PARD3B: variants seen among roughly 807,000 people sequenced by gnomAD.
PARD3B encodes par-3 family cell polarity regulator beta.
A neutral mutation model predicts 130.2 loss-of-function variants in PARD3B; 103 were observed. The observed-to-expected ratio is 0.79, with a 90% CI of 0.67 to 0.93. The LOEUF is 0.93. Among genes scored for constraint, PARD3B ranks in the 40% least tolerant of loss-of-function variants. The pLI is 0.00. For missense variants in PARD3B, 1,609 were observed against 1,499.2 expected (o/e 1.07, Z -1.21); for synonymous variants, 583 against 553.2 (o/e 1.05, Z -0.76).
rs2053423246 is a variant in PARD3B, at chr2:205,568,032, C to T, written c.3260+14629C>T. Among the ~76,000 whole-genome samples the T allele has an allele frequency of 6.6e-6, 1 of 152,196 alleles. No individual in the cohort carries two copies. The highest frequency in any genetic ancestry group is 6.5e-5 in the Admixed American group (1 of 15,286). ...TTAAGAGTTGTTCCTAAGATATCAACTCCCCAGCACTTCTTCCTGTCCAGT... is the reference window on the plus strand; with the variant it reads ...TTAAGAGTTGTTCCTAAGATATCAATTCCCCAGCACTTCTTCCTGTCCAGT... On this transcript the variant is annotated intron_variant, in intron 22 of 22. Coordinates refer to ENST00000406610, the MANE Select transcript of PARD3B (RefSeq NM_001302769.2). The surrounding 1 kb of genome is among the most constrained non-coding windows in gnomAD (Gnocchi z 5.3).
At chr2:204,921,503 A>G (rs62179384) in intron 2 of PARD3B, among the ~76,000 whole-genome samples, 34,228 of 151,962 alleles carry the variant, frequency 0.23, 4,254 homozygotes, top group Non-Finnish European at 0.28. Flanking sequence ...AGTCTAGTTA[A>G]GATGTTTTGA....
chr2:204,712,618 A>T (rs1389424347), intron 2 of PARD3B, among the ~76,000 whole-genome samples: 1 of 150,680 alleles, frequency 6.6e-6, no homozygotes, highest in African/African-American at 2.4e-5. Context: ...CATCTCAAAA[A>T]AAAAAAAACA....
intron 18 of PARD3B, among the ~76,000 whole-genome samples, chr2:205,388,208 A>AGCACC (rs1336641115): frequency 6.6e-6 from 1 of 152,212 alleles, no homozygotes; most frequent in Non-Finnish European, 1.5e-5. Flanking sequence ...AACAATTCCT[A>AGCACC]GCACCGGTTT....
intron 19 of PARD3B, among the ~76,000 whole-genome samples, chr2:205,433,750 A>G (rs887044540): frequency 9.2e-5 from 14 of 152,280 alleles, no homozygotes; most frequent in African/African-American, 3.4e-4. Context: ...TATATAGTAT[A>G]TAGTAAATCC....
chr2:204,844,169 A>G (rs1225329427), intron 2 of PARD3B, among the ~76,000 whole-genome samples: 1 of 152,156 alleles, frequency 6.6e-6, no homozygotes, highest in Non-Finnish European at 1.5e-5. Context: ...AAATGTGTGC[A>G]CTTATGTTTG....
At chr2:205,130,296 A>G (rs191414992) in intron 10 of PARD3B, among the ~76,000 whole-genome samples, 26 of 152,344 alleles carry the variant, frequency 1.7e-4, no homozygotes, top group African/African-American at 5.3e-4. Flanking sequence ...AATGAAAACT[A>G]TGCTAGTTAA....
intron 2 of PARD3B, among the ~76,000 whole-genome samples, chr2:204,844,041 A>T (rs1202226190): frequency 2.6e-5 from 4 of 152,154 alleles, no homozygotes; most frequent in Non-Finnish European, 5.9e-5. Context: ...GCAAATTAAC[A>T]GGAGAGAGAA....
chr2:205,345,588 C>G (rs1331451843), intron 18 of PARD3B, among the ~76,000 whole-genome samples: 3 of 151,700 alleles, frequency 2.0e-5, no homozygotes, highest in Non-Finnish European at 4.4e-5. Flanking sequence ...GTTAGAACCT[C>G]CCCCAGTCCA....
At chr2:205,063,412 G>C (rs528326151) in intron 4 of PARD3B, among the ~76,000 whole-genome samples, 1 of 152,032 alleles carries the variant, frequency 6.6e-6, no homozygotes, top group African/African-American at 2.4e-5. Context: ...ATAAATTAAT[G>C]AACTAGAAAT....
At chr2:205,252,838 A>AACCCC (rs2039909176) in intron 16 of PARD3B, among the ~76,000 whole-genome samples, 1 of 83,928 alleles carries the variant, frequency 1.2e-5, no homozygotes, top group Non-Finnish European at 2.1e-5. Flanking sequence ...ACCTGAAGGG[A>AACCCC]CCCCCCCCCC....
intron 2 of PARD3B, among the ~76,000 whole-genome samples, chr2:204,877,659 T>A (rs1240098579): frequency 6.6e-6 from 1 of 152,208 alleles, no homozygotes. Context: ...AAAGGCTGAA[T>A]ATACCATGAC....
At chr2:204,776,217 T>TA (rs145800138) in intron 2 of PARD3B, among the ~76,000 whole-genome samples, 1 of 152,338 alleles carries the variant, frequency 6.6e-6, no homozygotes, top group Non-Finnish European at 1.5e-5. Context: ...AGATAGCAAT[T>TA]ACAGCTGTTG....
intron 2 of PARD3B, among the ~76,000 whole-genome samples, chr2:204,911,119 T>C (rs1278053757): frequency 6.6e-6 from 1 of 152,234 alleles, no homozygotes; most frequent in Non-Finnish European, 1.5e-5. Flanking sequence ...CTGTGAACTT[T>C]TCTAGCACCA....
At chr2:204,802,168 A>G (rs895729427) in intron 2 of PARD3B, among the ~76,000 whole-genome samples, 6 of 152,222 alleles carry the variant, frequency 3.9e-5, no homozygotes, top group Admixed American at 2.6e-4. Flanking sequence ...ACCGCATCAA[A>G]AAGTGGGCAA....
chr2:204,780,009 A>G lies in PARD3B; in HGVS notation c.222+93727A>G, dbSNP rs1457831304. On this transcript the variant is annotated intron_variant, in intron 2 of 22. Transcript: ENST00000406610. ...TTTGTGAAGGCTTGATTGTGATTGC[A>G]TGGCTGTTATTTGGCAAGCAGAGAA... Among the ~76,000 whole-genome samples the G allele has an allele frequency of 2.0e-5, 3 of 152,178 alleles. No homozygotes were observed. The East Asian group carries it at 5.8e-4, about 29-fold the overall frequency.
chr2:205,550,165 A>C lies in PARD3B; in HGVS notation c.3181-3159A>C, dbSNP rs1300805090. On this transcript the variant is annotated intron_variant, in intron 21 of 22. Transcript: ENST00000406610. This position sits in a 1 kb window ranked among gnomAD's most constrained non-coding sequence, Gnocchi z 4.5. Reference sequence around the variant, plus strand: ...GAATGGCTTATCCTACTACTCCTACACCCTTCTGCCCCAGAAAAACTCCTC... The same window carrying C: ...GAATGGCTTATCCTACTACTCCTACCCCCTTCTGCCCCAGAAAAACTCCTC... Among the ~76,000 whole-genome samples, 2 of 152,022 alleles carry C rather than the reference A, an allele frequency of 1.3e-5. No individual in the cohort carries two copies. The highest frequency in any genetic ancestry group is 2.9e-5 in the Non-Finnish European group (2 of 68,012).
intron 2 of PARD3B, among the ~76,000 whole-genome samples, chr2:204,712,686 G>A (rs988489670): frequency 7.3e-5 from 11 of 149,968 alleles, no homozygotes; most frequent in Non-Finnish European, 1.6e-4. Context: ...TATAATCCAT[G>A]TAAAAGAGTA....
chr2:205,303,867 C>T (rs1042265956), intron 18 of PARD3B, among the ~76,000 whole-genome samples: 2 of 152,162 alleles, frequency 1.3e-5, no homozygotes, highest in Non-Finnish European at 2.9e-5. Flanking sequence ...TTGGGTGTTA[C>T]AGGCAGAAGT....
In PARD3B at chr2:204,883,450, TA is replaced by T. The variant is rs1421116895; in HGVS notation, c.223-81701del. Among the ~76,000 whole-genome samples the T allele has an allele frequency of 5.4e-4, 60 of 112,060 alleles. 2 individuals carry two copies. The highest frequency in any genetic ancestry group is 1.9e-3 in the African/African-American group (41 of 21,618). The allele number at this position is 112,060 out of a possible 152,430, so 73.5% of individuals were successfully genotyped here. On this transcript the variant is annotated intron_variant, in intron 2 of 22. Transcript: ENST00000406610. The stretch of plus-strand genomic sequence containing the variant: ...TATATATAAAATATATATATATATA[TA>T]TATATTTTTTTTTTTGAGACAGAGT...
Sources: gnomAD v4.1 joint callset for allele counts (sites outside exome capture counted in the v4.1 genomes callset) on GRCh38, gnomAD v4.1.1 for gene constraint, Gnocchi (gnomAD v3.1) non-coding constraint, MANE v1.5 for transcripts, NCBI Gene and HGNC (gene_info 2026-07-23, HGNC 2026-07-21) for gene names.